The following SLC25A24 variants were observed in gnomAD, a reference collection of about 807,000 sequenced individuals.
The protein encoded by SLC25A24 is mitochondrial adenyl nucleotide antiporter SLC25A24.
A neutral mutation model predicts 60.7 loss-of-function variants in SLC25A24; 49 were observed. The ratio of observed to expected loss-of-function variants is 0.81; its 90% CI spans 0.64 to 1.02. The LOEUF (loss-of-function observed/expected upper bound fraction) is 1.02, where lower values mean the gene tolerates loss of function less well. SLC25A24 is among the 50% of genes least tolerant of loss of function. The pLI is 0.00. For synonymous variants in SLC25A24, 202 were observed against 200.6 expected, an observed-to-expected ratio of 1.01 and a Z score of -0.06; for missense variants, 564 against 586.3, an observed-to-expected ratio of 0.96 and a Z score of 0.39.
At chr1:108,143,856 G>GT in intron 7 of SLC25A24, 146 bp from the exon 8 acceptor site, 2 of 673,380 alleles carry the variant, frequency 3.0e-6, no homozygotes, top group Non-Finnish European at 4.9e-6. Flanking sequence ...TCTCTTTCAT[G>GT]TATTACCTCT....
chr1:108,187,483 T>C (rs1648172649), intron 1 of SLC25A24, among the ~76,000 whole-genome samples: 1 of 152,078 alleles, frequency 6.6e-6, no homozygotes, highest in Non-Finnish European at 1.5e-5. Context: ...TGGAAACTAC[T>C]AGACACTATA....
Position 108,192,754 on chromosome 1 carries a change from C to A in SLC25A24, c.184-6800G>T. The stretch of plus-strand genomic sequence containing the variant: ...CCTAAGACAGCATCCTCCTCAGGGG[C>A]GCCAAACACAATGCACCTTCATCGG... On this transcript the variant is annotated intron_variant, in intron 1 of 9. Coordinates refer to ENST00000565488, the MANE Select transcript of SLC25A24 (RefSeq NM_013386.5). 3 of 1,363,708 alleles carry A rather than the reference C, an allele frequency of 2.2e-6. 1 individual carries two copies. Among genetic ancestry groups the A allele is most frequent in the Non-Finnish European group, 2.9e-6 (3 of 1,047,820 alleles). The allele number at this position is 1,363,708 out of a possible 1,614,324, so 84.5% of individuals were successfully genotyped here.
In SLC25A24 at chr1:108,148,345, T is replaced by C; in HGVS notation, c.864A>G (p.Thr288=). The C allele has an allele frequency of 6.2e-7, 1 of 1,613,254 alleles. No homozygotes were observed. Among genetic ancestry groups the C allele is most frequent in the Non-Finnish European group, 8.5e-7 (1 of 1,179,274 alleles). ...LLTEEGQKIG[T]FERFISGSMA... Reference sequence around the variant, plus strand: ...TGGAACCAGAAATAAATCTCTCAAATGTTCCTATTTTTTGTCCTTCTTCAG... The same window carrying C: ...TGGAACCAGAAATAAATCTCTCAAACGTTCCTATTTTTTGTCCTTCTTCAG... The change falls in exon 7 of 10, where the codon ACA becomes ACG. Residue 288 remains threonine (T), a synonymous_variant. Transcript: ENST00000565488.
chr1:108,179,066 A>G (rs1647815970), intron 3 of SLC25A24, among the ~76,000 whole-genome samples: 1 of 151,674 alleles, frequency 6.6e-6, no homozygotes. Flanking sequence ...CCTCAAATAA[A>G]CAACCAAAAA....
intron 8 of SLC25A24, among the ~76,000 whole-genome samples, chr1:108,140,126 A>C (rs1483187492): frequency 6.6e-6 from 1 of 152,136 alleles, no homozygotes; most frequent in African/African-American, 2.4e-5. Context: ...TTAATTTTTT[A>C]ATCCTGTAAG....
intron 3 of SLC25A24, among the ~76,000 whole-genome samples, chr1:108,171,633 T>C (rs1647465442): frequency 6.6e-6 from 1 of 152,184 alleles, no homozygotes; most frequent in Non-Finnish European, 1.5e-5. Context: ...GAGAGTCCAT[T>C]ATTGCAACGT....
chr1:108,178,280 C>T (rs559146662), intron 3 of SLC25A24, among the ~76,000 whole-genome samples: 1 of 152,272 alleles, frequency 6.6e-6, no homozygotes, highest in East Asian at 1.9e-4. Flanking sequence ...CTACCTTCAG[C>T]AATAGACAAA....
At chr1:108,143,873 G>C (rs1333328771) in intron 7 of SLC25A24, among the ~76,000 whole-genome samples, 163 bp from the exon 8 acceptor site, 1 of 152,114 alleles carries the variant, frequency 6.6e-6, no homozygotes, top group Non-Finnish European at 1.5e-5. Context: ...CTCTATTGGG[G>C]GGCTAAGACC....
At chr1:108,187,927 G>GATATATATAGATATATATATATATATAT (rs1553256784) in intron 1 of SLC25A24, among the ~76,000 whole-genome samples, 4 of 95,748 alleles carry the variant, frequency 4.2e-5, no homozygotes, top group African/African-American at 1.7e-4. Context: ...AGACATTATA[G>GATATATATAGATATATATATATATATAT]ATATATATAT....
chr1:108,163,472 A>G (rs11185294), intron 3 of SLC25A24, among the ~76,000 whole-genome samples: 73,162 of 146,848 alleles, frequency 0.5, 18,938 homozygotes, highest in African/African-American at 0.62. Flanking sequence ...TTATTTCATT[A>G]AGCAGTGGTT....
At chr1:108,151,205 A>C (rs1255995615) in intron 6 of SLC25A24, among the ~76,000 whole-genome samples, 2 of 152,106 alleles carry the variant, frequency 1.3e-5, no homozygotes, top group African/African-American at 4.8e-5. Flanking sequence ...CATCTCAAAA[A>C]CAAACAAACA....
At chr1:108,177,263 A>C (rs1225819649) in intron 3 of SLC25A24, among the ~76,000 whole-genome samples, 1 of 152,150 alleles carries the variant, frequency 6.6e-6, no homozygotes, top group African/African-American at 2.4e-5. Context: ...TAGGAGATAC[A>C]CAAAAAATAA....
chr1:108,185,992 G>A (rs1458271147), intron 1 of SLC25A24, 38 bp from the exon 2 acceptor site: 3 of 1,461,560 alleles, frequency 2.1e-6, no homozygotes, highest in Admixed American at 2.1e-5. Context: ...TTGCCAATAT[G>A]GGCTGATGCA....
chr1:108,170,608 A>G (rs1338228471), intron 3 of SLC25A24, among the ~76,000 whole-genome samples: 1 of 152,090 alleles, frequency 6.6e-6, no homozygotes, highest in East Asian at 1.9e-4. Flanking sequence ...GAATTTTATC[A>G]ACCAGCTTAA....
chr1:108,196,555 G>A (rs1282118122), intron 1 of SLC25A24, among the ~76,000 whole-genome samples: 1 of 152,166 alleles, frequency 6.6e-6, no homozygotes, highest in Non-Finnish European at 1.5e-5. Flanking sequence ...CTTGATAATT[G>A]TCCTAGTCCA....
intron 4 of SLC25A24, among the ~76,000 whole-genome samples, chr1:108,159,402 T>A (rs1383561366): frequency 1.3e-5 from 2 of 152,138 alleles, no homozygotes; most frequent in African/African-American, 4.8e-5. Flanking sequence ...GCTAGACAGC[T>A]TATTCATCAA....
Position 108,200,159 on chromosome 1 carries a change from C to A in SLC25A24, c.-21G>T. The A allele has an allele frequency of 1.3e-6, 2 of 1,536,598 alleles. No homozygotes were observed. The highest frequency in any genetic ancestry group is 1.7e-6 in the Non-Finnish European group (2 of 1,144,524). ...AACATGGTCCCAGAGGCGCAGGCGG[C>A]CTGGCCGAGGAAGTCACGGGAGATC... On this transcript the variant is annotated 5_prime_UTR_variant, in exon 1 of 10. Coordinates refer to ENST00000565488, the MANE Select transcript of SLC25A24 (RefSeq NM_013386.5).
rs368725234 is a variant in SLC25A24 at position 108,167,537 on chromosome 1, G to T, written c.399-6244C>A. The stretch of plus-strand genomic sequence containing the variant: ...CGTCAGAAAAGCGCAGTATTCAGGT[G>T]GGAGTGACCCGATTTTCCAGGTGCC... On this transcript the variant is annotated intron_variant, in intron 3 of 9. Coordinates refer to ENST00000565488, the MANE Select transcript of SLC25A24 (RefSeq NM_013386.5). Among the ~76,000 whole-genome samples, 832 of 152,344 alleles carry T rather than the reference G, an allele frequency of 5.5e-3. 6 individuals are homozygous for T. The highest frequency in any genetic ancestry group is 0.02 in the African/African-American group (814 of 41,584).
intron 9 of SLC25A24, 139 bp from the exon 10 acceptor site, chr1:108,136,976 C>T (rs985590733): frequency 2.6e-6 from 2 of 766,676 alleles, no homozygotes; most frequent in Admixed American, 2.7e-5. Flanking sequence ...GACAACATCC[C>T]TTTTATGATC....
Sources: gnomAD v4.1 joint callset for allele counts (sites outside exome capture counted in the v4.1 genomes callset) on GRCh38, gnomAD v4.1.1 for gene constraint, MANE v1.5 for transcripts, NCBI Gene and HGNC (gene_info 2026-07-23, HGNC 2026-07-21) for gene names.